Variants in ERICH3 observed in about 807,000 individuals in gnomAD.
ERICH3 encodes glutamate-rich protein 3.
ERICH3 carries 126 observed loss-of-function variants against 131.1 expected under a neutral mutation model. That is an observed-to-expected ratio of 0.96 (90% CI 0.83 to 1.11). ERICH3 has a LOEUF of 1.11. ERICH3 is among the 50% of genes most tolerant of loss of function. The pLI, the probability that ERICH3 is intolerant of heterozygous loss-of-function variation, is 0.00. For missense variants in ERICH3, 2,050 were observed against 1,810.7 expected (o/e 1.13, Z -2.40); for synonymous variants, 695 against 644.6 (o/e 1.08, Z -1.18).
At chr1:74,582,676 G>A (rs964234731) in intron 12 of ERICH3, among the ~76,000 whole-genome samples, 1 of 151,982 alleles carries the variant, frequency 6.6e-6, no homozygotes, top group African/African-American at 2.4e-5. Context: ...CATCACAAGT[G>A]GGATGTAAAA....
At chr1:74,610,461 C>T (rs1648637731) in intron 9 of ERICH3, among the ~76,000 whole-genome samples, 1 of 149,658 alleles carries the variant, frequency 6.7e-6, no homozygotes. Context: ...AGGCTTATAC[C>T]CCCAATTGAG....
intron 1 of ERICH3, among the ~76,000 whole-genome samples, chr1:74,667,424 G>A (rs961016724): frequency 2.0e-5 from 3 of 152,134 alleles, no homozygotes; most frequent in African/African-American, 7.2e-5. Flanking sequence ...GTAAGCCATA[G>A]CAGGGGAAAT....
chr1:74,666,082 A>C (rs977645347), intron 1 of ERICH3, among the ~76,000 whole-genome samples: 1 of 152,178 alleles, frequency 6.6e-6, no homozygotes, highest in Non-Finnish European at 1.5e-5. Flanking sequence ...GATACCTTCT[A>C]CATCCCAGAA....
Position 74,571,847 on chromosome 1 carries a change from TCCTC to T in ERICH3, c.3859_3862del (p.Glu1287LysfsTer84). 1 of 1,612,274 alleles carries T rather than the reference TCCTC, an allele frequency of 6.2e-7. No homozygotes were observed. The highest frequency in any genetic ancestry group is 8.5e-7 in the Non-Finnish European group (1 of 1,180,010). On this transcript the variant is annotated frameshift_variant, in exon 14 of 15. Coordinates refer to ENST00000326665, the MANE Select transcript of ERICH3 (RefSeq NM_001002912.5). LOFTEE classifies it high-confidence loss of function. ...CTCCTCTGGGTCCTCATCCACCGCT[TCCTC>T]CCTGAACTTTTCTGCCATTATGGGA...
At chr1:74,652,153 G>A (rs1646541103) in intron 1 of ERICH3, among the ~76,000 whole-genome samples, 1 of 152,104 alleles carries the variant, frequency 6.6e-6, no homozygotes, top group Admixed American at 6.6e-5. Context: ...TTTAGACAAT[G>A]CTGGAATTTT....
chr1:74,663,256 A>G (rs1646659281), intron 1 of ERICH3, among the ~76,000 whole-genome samples: 2 of 152,154 alleles, frequency 1.3e-5, no homozygotes, highest in Non-Finnish European at 2.9e-5. Flanking sequence ...ATTTAACCAT[A>G]ACAACAACTA....
chr1:74,610,228 GGAT>G (rs1307567023), intron 9 of ERICH3, among the ~76,000 whole-genome samples: 2 of 151,524 alleles, frequency 1.3e-5, no homozygotes, highest in African/African-American at 2.4e-5. Flanking sequence ...TCCATTCTCT[GGAT>G]GATTCTTTTA....
chr1:74,623,227 A>G (rs1417586), intron 7 of ERICH3: 18,326 of 152,210 alleles, frequency 0.12, 1,358 homozygotes, highest in South Asian at 0.26. Context: ...TTCCTTCACC[A>G]GTTGCTTATG....
rs2100492887 is a variant in ERICH3, at chr1:74,568,897, A to T, written c.*1561T>A. On this transcript the variant is annotated 3_prime_UTR_variant, in exon 15 of 15. Coordinates refer to ENST00000326665, the MANE Select transcript of ERICH3 (RefSeq NM_001002912.5). ...GGCTTGTTAAGCTATGGATTACTGG[A>T]ACCCACCAAGAGTTTCTAATTTAGT... 6.6e-6 allele frequency: 1 copy of T among 152,266 alleles called. No homozygotes were observed. The highest frequency in any genetic ancestry group is 1.5e-5 in the Non-Finnish European group (1 of 68,002). The allele number at this position is 152,266 out of a possible 1,614,324, so 9.4% of individuals were successfully genotyped here.
intron 9 of ERICH3, among the ~76,000 whole-genome samples, chr1:74,610,033 C>T (rs921089075): frequency 5.9e-5 from 9 of 151,894 alleles, no homozygotes; most frequent in Admixed American, 2.0e-4. Context: ...CCAAAGAATG[C>T]AATATATTTG....
At position 74,631,803 on chromosome 1, in the gene ERICH3, T is replaced by A; in HGVS notation, c.729A>T (p.Lys243Asn). ...TTTCAGATCTATTTTCTCTTGTGAT[T>A]TTCCCAGTTGGGGGAAGTGGAGGAG... ...PIPPPLPPTGKITRENRSETW... is the reference protein window; with the variant it reads ...PIPPPLPPTGNITRENRSETW... The change falls in exon 7 of 15, where the codon AAA (lysine) becomes AAT (asparagine). Residue 243 changes from lysine (K) to asparagine (N), a missense_variant. Coordinates refer to ENST00000326665, the MANE Select transcript of ERICH3 (RefSeq NM_001002912.5). 6.2e-7 allele frequency: 1 copy of A among 1,613,670 alleles called. No individual in the cohort carries two copies. The highest frequency in any genetic ancestry group is 1.7e-4 in the Middle Eastern group (1 of 6,054).
rs376750626 is a variant in ERICH3 at position 74,599,690 on chromosome 1, C to T, written c.1726+5G>A. On this transcript the variant is annotated splice_donor_5th_base_variant and intron_variant, in intron 11 of 14. Coordinates refer to ENST00000326665, the MANE Select transcript of ERICH3 (RefSeq NM_001002912.5). Reference sequence around the variant, plus strand: ...CTATGTTACATGATAAGCTGAACAACTCGCCTTGTTTATCCTCTTCCAGTT... The same window carrying T: ...CTATGTTACATGATAAGCTGAACAATTCGCCTTGTTTATCCTCTTCCAGTT... The T allele has an allele frequency of 1.8e-4, 282 of 1,595,550 alleles. No homozygotes were observed. Among genetic ancestry groups the T allele is most frequent in the Non-Finnish European group, 2.3e-4 (266 of 1,170,970 alleles).
intron 1 of ERICH3, among the ~76,000 whole-genome samples, chr1:74,651,734 G>A (rs1438538560): frequency 1.3e-5 from 2 of 152,048 alleles, no homozygotes; most frequent in Admixed American, 6.6e-5. Context: ...TGGAATAGCT[G>A]GGAGTGCTAA....
rs974090838 is a variant in ERICH3, at chr1:74,569,949, C to G, written c.*509G>C. ...GGAGCAATCTTGAGTTTTGAGTGTACGTGGGAGGAAATTTAGAGCTCATTT... is the reference window on the plus strand; with the variant it reads ...GGAGCAATCTTGAGTTTTGAGTGTAGGTGGGAGGAAATTTAGAGCTCATTT... On this transcript the variant is annotated 3_prime_UTR_variant, in exon 15 of 15. Transcript: ENST00000326665. 1 of 152,058 alleles carries G rather than the reference C, an allele frequency of 6.6e-6. No individual in the cohort carries two copies. Among genetic ancestry groups the G allele is most frequent in the Admixed American group, 6.5e-5 (1 of 15,268 alleles). 9.4% of individuals were successfully genotyped at this position (152,058 alleles called of 1,614,324 possible). A position where few individuals can be genotyped will look rare whatever the true frequency, so the allele number is the denominator to read the frequency against.
At chr1:74,661,707 A>G (rs1646643154) in intron 1 of ERICH3, among the ~76,000 whole-genome samples, 1 of 152,202 alleles carries the variant, frequency 6.6e-6, no homozygotes, top group Admixed American at 6.5e-5. Context: ...AAAGATCAAA[A>G]TAAATACACA....
At chr1:74,576,773 A>C (rs1647063207) in intron 13 of ERICH3, 122 bp downstream of exon 13, 1 of 875,892 alleles carries the variant, frequency 1.1e-6, no homozygotes, top group Non-Finnish European at 1.8e-6. Flanking sequence ...ACACTTCTTA[A>C]AAGTCATTCA....
chr1:74,600,383 A>G (rs74839922), intron 10 of ERICH3, among the ~76,000 whole-genome samples: 4,459 of 151,974 alleles, frequency 0.029, 219 homozygotes, highest in African/African-American at 0.1. Flanking sequence ...TGAAGTGGAA[A>G]AATTCAATTA....
rs1263923307 is a variant in ERICH3, at chr1:74,646,968, GAAAA to G, written c.118-180_118-177del. On this transcript the variant is annotated intron_variant, in intron 2 of 14. Transcript: ENST00000326665. ...TTGGGGAGGCAGGGAGGGAGAGAGA[GAAAA>G]AAAAAAAAAACGAGAGGGGAGAAAG... Among the ~76,000 whole-genome samples, 548 of 115,876 alleles carry G rather than the reference GAAAA, an allele frequency of 4.7e-3. 2 individuals carry two copies. Among genetic ancestry groups the G allele is most frequent in the African/African-American group, 0.017 (515 of 31,152 alleles). The allele number at this position is 115,876 out of a possible 152,430, so 76.0% of individuals were successfully genotyped here. A position where few individuals can be genotyped will look rare whatever the true frequency, so the allele number is the denominator to read the frequency against.
At chr1:74,671,032 G>T (rs575156861) in intron 1 of ERICH3, among the ~76,000 whole-genome samples, 1 of 151,778 alleles carries the variant, frequency 6.6e-6, no homozygotes, top group African/African-American at 2.4e-5. Context: ...GAAAATCTCC[G>T]CCCTGGTAAA....
Sources: allele counts gnomAD v4.1 joint callset (sites outside exome capture counted in the v4.1 genomes callset), GRCh38; gene constraint gnomAD v4.1.1; transcripts MANE v1.5; gene names NCBI Gene and HGNC (gene_info 2026-07-23, HGNC 2026-07-21).